The following SGCZ variants were observed in gnomAD, a reference collection of about 807,000 sequenced individuals.
The protein encoded by SGCZ is sarcoglycan zeta.
A neutral mutation model predicts 41.3 loss-of-function variants in SGCZ; 40 were observed. The ratio of observed to expected loss-of-function variants is 0.97; its 90% CI spans 0.75 to 1.26. The LOEUF is 1.26. Ranked by LOEUF, SGCZ falls within the 50% of genes most tolerant of loss-of-function variation. SGCZ has a pLI of 0.00. For missense variants in SGCZ, 552 were observed against 369.8 expected (o/e 1.49, Z -4.04); for synonymous variants, 206 against 137.5 (o/e 1.50, Z -3.49).
intron 2 of SGCZ, among the ~76,000 whole-genome samples, chr8:14,518,779 T>C (rs2117094693): frequency 6.8e-6 from 1 of 147,894 alleles, no homozygotes. Context: ...AGACAGACAG[T>C]CAGAGAAACA....
intron 1 of SGCZ, among the ~76,000 whole-genome samples, chr8:15,001,677 C>G (rs1802425650): frequency 7.2e-6 from 1 of 138,784 alleles, no homozygotes; most frequent in African/African-American, 2.7e-5. Context: ...TGGAGTGAGC[C>G]GAGATTGCAC....
chr8:14,575,705 G>A (rs1041872037), intron 1 of SGCZ, among the ~76,000 whole-genome samples: 49 of 151,888 alleles, frequency 3.2e-4, no homozygotes, highest in Admixed American at 2.2e-3. Context: ...TCAGGAGTTC[G>A]AGATCAGCCT....
At chr8:14,444,244 G>C (rs1800361740) in intron 2 of SGCZ, among the ~76,000 whole-genome samples, 1 of 152,172 alleles carries the variant, frequency 6.6e-6, no homozygotes, top group Admixed American at 6.5e-5. Flanking sequence ...CATTGTGGAA[G>C]TCAGTGTGGC....
chr8:14,586,512 G>A (rs934035608), intron 1 of SGCZ, among the ~76,000 whole-genome samples: 8 of 152,084 alleles, frequency 5.3e-5, no homozygotes, highest in South Asian at 2.1e-4. Context: ...CACGCCCAGC[G>A]CAAAATATGC....
At chr8:14,316,796 A>C (rs923834094) in intron 3 of SGCZ, among the ~76,000 whole-genome samples, 2 of 139,930 alleles carry the variant, frequency 1.4e-5, no homozygotes, top group African/African-American at 2.7e-5. Context: ...ATTCCTGTCC[A>C]ATCTCATTTA....
At chr8:14,172,508 C>T (rs534397463) in intron 4 of SGCZ, among the ~76,000 whole-genome samples, 46 of 152,198 alleles carry the variant, frequency 3.0e-4, no homozygotes, top group Admixed American at 1.7e-3. Context: ...CTCTCAAAGG[C>T]CATGGTGGAA....
intron 3 of SGCZ, among the ~76,000 whole-genome samples, chr8:14,300,542 A>T (rs542700465): frequency 2.0e-4 from 30 of 152,088 alleles, no homozygotes; most frequent in Middle Eastern, 3.4e-3. Context: ...TTGCCTAAAA[A>T]TTTTTTAATA....
chr8:14,186,704 A>G (rs1281495206), intron 4 of SGCZ, among the ~76,000 whole-genome samples: 4 of 152,212 alleles, frequency 2.6e-5, no homozygotes, highest in African/African-American at 7.2e-5. Context: ...TCTGAAGCCT[A>G]TTCAAATGAA....
intron 1 of SGCZ, among the ~76,000 whole-genome samples, chr8:14,894,101 G>C (rs1229131400): frequency 3.3e-5 from 5 of 152,026 alleles, no homozygotes; most frequent in African/African-American, 7.2e-5. Context: ...GATTTATCAA[G>C]CTTTAATTAA....
intron 3 of SGCZ, among the ~76,000 whole-genome samples, chr8:14,270,842 T>C (rs1005289130): frequency 3.4e-4 from 52 of 152,114 alleles, no homozygotes; most frequent in African/African-American, 1.0e-3. Context: ...ATGTGGCACA[T>C]ATACACCATG....
chr8:15,010,649 G>A (rs530095172), intron 1 of SGCZ, among the ~76,000 whole-genome samples: 11 of 152,256 alleles, frequency 7.2e-5, no homozygotes, highest in African/African-American at 2.6e-4. Flanking sequence ...CCTGATGATG[G>A]TTCGTGTACT....
intron 2 of SGCZ, among the ~76,000 whole-genome samples, chr8:14,415,226 A>G (rs1287236731): frequency 6.6e-6 from 1 of 151,966 alleles, no homozygotes; most frequent in East Asian, 1.9e-4. Flanking sequence ...AAATATAAAT[A>G]CATGTTTTCA....
intron 1 of SGCZ, among the ~76,000 whole-genome samples, chr8:15,197,781 A>G (rs571238608): frequency 1.1e-4 from 16 of 152,198 alleles, no homozygotes; most frequent in African/African-American, 3.6e-4. Context: ...TATAAATATT[A>G]TACTGCAGTT....
In SGCZ at chr8:14,688,190, T is replaced by G. The variant is rs548474457; in HGVS notation, c.40-133264A>C. Among the ~76,000 whole-genome samples the G allele has an allele frequency of 7.5e-4, 114 of 152,304 alleles. 1 individual carries two copies. The South Asian group carries it at 0.013, about 18-fold the overall frequency. ...GTTTCTTTTGCTGTGCAGAAGCTCT[T>G]GAGTTTAATTAGATCCCACTTGTCA... On this transcript the variant is annotated intron_variant, in intron 1 of 7. Transcript: ENST00000382080.
chr8:14,370,667 A>C (rs372476106), intron 2 of SGCZ, among the ~76,000 whole-genome samples: 1 of 152,046 alleles, frequency 6.6e-6, no homozygotes, highest in Non-Finnish European at 1.5e-5. Context: ...GGTTAATGAA[A>C]AGCATCTTGG....
chr8:14,400,189 T>C (rs1799032872), intron 2 of SGCZ, among the ~76,000 whole-genome samples: 1 of 128,172 alleles, frequency 7.8e-6, no homozygotes, highest in Admixed American at 8.6e-5. Flanking sequence ...TAGCGTGTAT[T>C]GATACTTCAT....
intron 5 of SGCZ, among the ~76,000 whole-genome samples, chr8:14,136,428 A>G (rs1271451728): frequency 6.6e-6 from 1 of 152,100 alleles, no homozygotes; most frequent in East Asian, 1.9e-4. Flanking sequence ...GTACCTTGAA[A>G]ATTGGGACAC....
intron 1 of SGCZ, among the ~76,000 whole-genome samples, chr8:15,117,755 T>C (rs1807326010): frequency 6.6e-6 from 1 of 152,364 alleles, no homozygotes; most frequent in Non-Finnish European, 1.5e-5. Context: ...GTTGATAATT[T>C]AACCACTCAG....
At chr8:14,981,904 C>T (rs746284671) in intron 1 of SGCZ, among the ~76,000 whole-genome samples, 1 of 152,104 alleles carries the variant, frequency 6.6e-6, no homozygotes, top group Non-Finnish European at 1.5e-5. Context: ...AATCCCAGCA[C>T]TTTGGGAGGC....
Sources: gnomAD v4.1 joint callset for allele counts (sites outside exome capture counted in the v4.1 genomes callset) on GRCh38, gnomAD v4.1.1 for gene constraint, MANE v1.5 for transcripts, NCBI Gene and HGNC (gene_info 2026-07-23, HGNC 2026-07-21) for gene names.